Variants in ESRRG observed in about 807,000 individuals in gnomAD.
ESRRG encodes the protein estrogen related receptor gamma, also known as estrogen-related receptor gamma.
ESRRG carries 13 observed loss-of-function variants against 44.0 expected under a neutral mutation model. The observed-to-expected ratio is 0.30, with a 90% CI of 0.19 to 0.47. The LOEUF (loss-of-function observed/expected upper bound fraction) is 0.47, where lower values mean the gene tolerates loss of function less well. Ranked by LOEUF, ESRRG falls within the 20% of genes least tolerant of loss-of-function variation. The pLI, the probability that ESRRG is intolerant of heterozygous loss-of-function variation, is 1.00. For missense variants in ESRRG, 395 were observed against 580.6 expected, an observed-to-expected ratio of 0.68 and a Z score of 3.29; for synonymous variants, 215 against 214.6, an observed-to-expected ratio of 1.00 and a Z score of -0.02.
At position 216,551,377 on chromosome 1, in the gene ESRRG, A is replaced by G. The variant is rs537490345; in HGVS notation, c.862+12842T>C. Among the ~76,000 whole-genome samples, 3 of 152,290 alleles carry G rather than the reference A, an allele frequency of 2.0e-5. No homozygotes were observed. The East Asian group carries it at 5.8e-4, about 29-fold the overall frequency. On this transcript the variant is annotated intron_variant, in intron 5 of 6. Coordinates refer to ENST00000408911, the MANE Select transcript of ESRRG (RefSeq NM_001438.4). ...GGAAAATGTCAAACTGAATTTATAA[A>G]GCTTATTTCCATATTCAGATGTCTC...
At chr1:216,983,175 A>G (rs1019892806) in intron 1 of ESRRG, among the ~76,000 whole-genome samples, 4 of 152,072 alleles carry the variant, frequency 2.6e-5, no homozygotes, top group Non-Finnish European at 5.9e-5. Flanking sequence ...AGCTATTATT[A>G]GAATTAGTAT....
At chr1:216,821,274 C>T (rs902277078) in intron 2 of ESRRG, among the ~76,000 whole-genome samples, 17 of 152,072 alleles carry the variant, frequency 1.1e-4, no homozygotes, top group Admixed American at 6.6e-4. Context: ...CCCTGTTTTG[C>T]GGTCTCTATT....
At chr1:217,107,113 C>T (rs1025753273) in intron 1 of ESRRG, among the ~76,000 whole-genome samples, 1 of 152,096 alleles carries the variant, frequency 6.6e-6, no homozygotes, top group Non-Finnish European at 1.5e-5. Context: ...TCTGAATATC[C>T]TCTGACTGAT....
chr1:216,919,998 G>A (rs986799427), intron 2 of ESRRG, among the ~76,000 whole-genome samples: 4 of 152,198 alleles, frequency 2.6e-5, no homozygotes, highest in Non-Finnish European at 5.9e-5. Context: ...CAAAAGGGTA[G>A]CACTACGATA....
chr1:216,966,335 T>C (rs2576210), intron 1 of ESRRG, among the ~76,000 whole-genome samples: 78,273 of 152,052 alleles, frequency 0.51, 21,922 homozygotes, highest in Middle Eastern at 0.7. Flanking sequence ...CAGATGGTTG[T>C]TCAGGCTGTC....
chr1:216,702,338 A>G (rs1421040786), intron 1 of ESRRG, among the ~76,000 whole-genome samples: 2 of 152,192 alleles, frequency 1.3e-5, no homozygotes, highest in Non-Finnish European at 2.9e-5. Context: ...ATTCACAGCC[A>G]GTAGGCTGTG....
At chr1:216,853,352 G>A (rs774093682) in intron 2 of ESRRG, among the ~76,000 whole-genome samples, 2 of 152,236 alleles carry the variant, frequency 1.3e-5, no homozygotes, top group Non-Finnish European at 2.9e-5. Context: ...ATTATGCCAC[G>A]TCCAACTTCA....
At chr1:216,760,544 A>C (rs910358328) in intron 2 of ESRRG, among the ~76,000 whole-genome samples, 7 of 152,058 alleles carry the variant, frequency 4.6e-5, no homozygotes, top group Non-Finnish European at 7.4e-5. Flanking sequence ...TTGAGGCTAC[A>C]GTGAGCTATG....
chr1:216,523,009 CA>C (rs1172742277), intron 5 of ESRRG, among the ~76,000 whole-genome samples: 7 of 152,120 alleles, frequency 4.6e-5, no homozygotes, highest in African/African-American at 1.7e-4. Context: ...ATATGCTTTG[CA>C]GTTGTGTCGT....
intron 2 of ESRRG, among the ~76,000 whole-genome samples, chr1:216,882,915 G>A (rs896890649): frequency 8.6e-5 from 13 of 151,050 alleles, no homozygotes; most frequent in African/African-American, 2.9e-4. Context: ...TAAGAGTCAC[G>A]ATTTGGAAAT....
At chr1:216,707,326 C>G in intron 1 of ESRRG, 1 of 1,534,494 alleles carries the variant, frequency 6.5e-7, no homozygotes. Flanking sequence ...CTTTGGTGAT[C>G]AAGTCTTCAC....
At chr1:216,542,710 A>C (rs2053267548) in intron 5 of ESRRG, among the ~76,000 whole-genome samples, 1 of 152,010 alleles carries the variant, frequency 6.6e-6, no homozygotes, top group African/African-American at 2.4e-5. Context: ...ATTGAATTCC[A>C]CACAAAAATA....
At chr1:216,777,473 G>T (rs2093658405) in intron 2 of ESRRG, among the ~76,000 whole-genome samples, 1 of 152,080 alleles carries the variant, frequency 6.6e-6, no homozygotes, top group African/African-American at 2.4e-5. Context: ...CACTCATTTT[G>T]TTGAAGAGGT....
intron 5 of ESRRG, among the ~76,000 whole-genome samples, chr1:216,552,694 C>T (rs1433810357): frequency 6.6e-6 from 1 of 152,050 alleles, no homozygotes. Context: ...ATGGTGCCTC[C>T]CCTTAAAATA....
chr1:216,772,769 G>A (rs1017576985), intron 2 of ESRRG, among the ~76,000 whole-genome samples: 2 of 151,820 alleles, frequency 1.3e-5, no homozygotes, highest in African/African-American at 4.8e-5. Flanking sequence ...AAATAGCTTA[G>A]TGGATCTGAC....
At position 216,558,498 on chromosome 1, in the gene ESRRG, T is replaced by C. The variant is rs547202285; in HGVS notation, c.862+5721A>G. Among the ~76,000 whole-genome samples the C allele has an allele frequency of 1.1e-4, 16 of 152,294 alleles. No individual in the cohort carries two copies. The East Asian group carries it at 2.3e-3, about 22-fold the overall frequency. ...TCTGAATTTTTATAAATTGCTTTTA[T>C]GAATATGAACTTTTTAGATCACTTG... On this transcript the variant is annotated intron_variant, in intron 5 of 6. Coordinates refer to ENST00000408911, the MANE Select transcript of ESRRG (RefSeq NM_001438.4).
At chr1:216,630,190 A>T (rs888379712) in intron 3 of ESRRG, among the ~76,000 whole-genome samples, 1 of 152,190 alleles carries the variant, frequency 6.6e-6, no homozygotes, top group African/African-American at 2.4e-5. Context: ...TTGCTTCATG[A>T]CAGCAACATT....
At chr1:216,868,997 T>G (rs1375266621) in intron 2 of ESRRG, among the ~76,000 whole-genome samples, 1 of 152,188 alleles carries the variant, frequency 6.6e-6, no homozygotes, top group East Asian at 1.9e-4. Flanking sequence ...TTTGCAAATA[T>G]TTCCTCTCAG....
chr1:216,527,008 C>G (rs906983488), intron 5 of ESRRG, among the ~76,000 whole-genome samples: 3 of 152,166 alleles, frequency 2.0e-5, no homozygotes, highest in African/African-American at 7.2e-5. Context: ...TTCAAATCAA[C>G]TAGTATTTAG....
Sources: allele counts gnomAD v4.1 joint callset (sites outside exome capture counted in the v4.1 genomes callset), GRCh38; gene constraint gnomAD v4.1.1; transcripts MANE v1.5; gene names NCBI Gene and HGNC (gene_info 2026-07-23, HGNC 2026-07-21).